ABI3BP: variants seen among roughly 807,000 people sequenced by gnomAD.
The protein encoded by ABI3BP is target of Nesh-SH3.
In ABI3BP, 216 loss-of-function variants were observed where a neutral mutation model predicts 268.6. The observed-to-expected ratio is 0.80, with a 90% CI of 0.72 to 0.90. The LOEUF is 0.90. ABI3BP is among the 40% of genes least tolerant of loss of function. The pLI is 0.00. For synonymous variants in ABI3BP, 730 were observed against 730.0 expected (o/e 1.00, Z 0.00); for missense variants, 2,090 against 2,182.4 (o/e 0.96, Z 0.84).
chr3:100,943,928 T>C (rs2070793495), intron 1 of ABI3BP, among the ~76,000 whole-genome samples: 1 of 152,174 alleles, frequency 6.6e-6, no homozygotes, highest in South Asian at 2.1e-4. Context: ...TATTTACTTA[T>C]AATGCTATTT....
chr3:100,787,617 T>C, intron 57 of ABI3BP, 111 bp downstream of exon 57: 1 of 951,370 alleles, frequency 1.1e-6, no homozygotes, highest in Non-Finnish European at 1.5e-6. Flanking sequence ...TACTAAGAAC[T>C]TTAAAAACTG....
intron 57 of ABI3BP, among the ~76,000 whole-genome samples, chr3:100,785,887 A>G (rs1194875556): frequency 3.3e-5 from 5 of 152,196 alleles, no homozygotes; most frequent in Admixed American, 6.5e-5. Context: ...TTTTGTGCAT[A>G]TAATTGGATA....
intron 14 of ABI3BP, among the ~76,000 whole-genome samples, chr3:100,852,924 G>A (rs1015151874): frequency 1.6e-4 from 24 of 152,158 alleles, no homozygotes; most frequent in African/African-American, 5.8e-4. Flanking sequence ...TGGTCACGAG[G>A]GATATAGAGA....
chr3:100,837,219 C>G (rs1299192038), intron 26 of ABI3BP, 48 bp from the exon 27 acceptor site: 2 of 1,480,058 alleles, frequency 1.4e-6, no homozygotes, highest in Non-Finnish European at 1.8e-6. Context: ...GCAAGGAAGT[C>G]TAAACTTTTG....
At chr3:100,869,928 G>T (rs1581260749) in intron 9 of ABI3BP, among the ~76,000 whole-genome samples, 1 of 151,998 alleles carries the variant, frequency 6.6e-6, no homozygotes, top group Non-Finnish European at 1.5e-5. Context: ...CAAACCCTTT[G>T]TATGTCCCTT....
chr3:100,820,989 G>T, intron 39 of ABI3BP, 65 bp downstream of exon 39: 1 of 1,317,136 alleles, frequency 7.6e-7, no homozygotes, highest in Non-Finnish European at 1.1e-6. Flanking sequence ...CTGCGGCTAT[G>T]ATGATGGAAT....
chr3:100,751,898 T>C (rs1285846441), intron 66 of ABI3BP, among the ~76,000 whole-genome samples: 2 of 152,214 alleles, frequency 1.3e-5, no homozygotes, highest in African/African-American at 4.8e-5. Context: ...CTCCATAAAT[T>C]TCCCCAGCAG....
chr3:100,788,778 C>T (rs1199447935), intron 56 of ABI3BP, among the ~76,000 whole-genome samples: 1 of 151,824 alleles, frequency 6.6e-6, no homozygotes, highest in African/African-American at 2.4e-5. Context: ...AACATTCATT[C>T]GTAGCAGGTT....
At chr3:100,979,680 T>C (rs2088231142) in intron 1 of ABI3BP, among the ~76,000 whole-genome samples, 1 of 152,170 alleles carries the variant, frequency 6.6e-6, no homozygotes, top group African/African-American at 2.4e-5. Context: ...ATGATGACTT[T>C]GGAAAACACC....
Position 100,843,580 on chromosome 3 carries a change from G to A in ABI3BP, c.1724-1541C>T, listed in dbSNP as rs149504550. On this transcript the variant is annotated intron_variant, in intron 20 of 67. Coordinates refer to ENST00000471714, the MANE Select transcript of ABI3BP (RefSeq NM_001375547.2). ...GAGAGAGAGAGAGGGAAGGGGAGAAGAAAGAGTGTCTGGGAGATGGAGAGA... is the reference window on the plus strand; with the variant it reads ...GAGAGAGAGAGAGGGAAGGGGAGAAAAAAGAGTGTCTGGGAGATGGAGAGA... 9.8e-5 allele frequency: 96 copies of A among 980,690 alleles called. No homozygotes were observed. The Middle Eastern group carries it at 2.6e-3, about 27-fold the overall frequency. The allele number at this position is 980,690 out of a possible 1,614,324, so 60.7% of individuals were successfully genotyped here.
At position 100,924,602 on chromosome 3, in the gene ABI3BP, C is replaced by T. The variant is rs148590170; in HGVS notation, c.259+1700G>A. On this transcript the variant is annotated intron_variant, in intron 2 of 67. Transcript: ENST00000471714. ...TGAAGGTTCATTTTAATACTCTTTC[C>T]TTGGTTGTCTGAAATTTCCTGTAAT... Among the ~76,000 whole-genome samples, 5 of 152,116 alleles carry T rather than the reference C, an allele frequency of 3.3e-5. No individual in the cohort carries two copies. The East Asian group carries it at 9.7e-4, about 29-fold the overall frequency.
intron 49 of ABI3BP, among the ~76,000 whole-genome samples, chr3:100,809,232 C>T (rs866399270): frequency 6.6e-6 from 1 of 151,998 alleles, no homozygotes. Flanking sequence ...GGTCTAAGGT[C>T]TCAGTTTCTT....
At chr3:100,849,520 G>A (rs186670305) in intron 17 of ABI3BP, among the ~76,000 whole-genome samples, 57 of 152,108 alleles carry the variant, frequency 3.7e-4, no homozygotes, top group African/African-American at 7.2e-4. Flanking sequence ...CACCACACCC[G>A]GCCCAGAACT....
chr3:100,786,747 A>T (rs2097059101), intron 57 of ABI3BP, among the ~76,000 whole-genome samples: 1 of 152,166 alleles, frequency 6.6e-6, no homozygotes, highest in Non-Finnish European at 1.5e-5. Flanking sequence ...AGTTGGGCAG[A>T]ATAAAAAGAG....
intron 15 of ABI3BP, among the ~76,000 whole-genome samples, chr3:100,850,956 G>GT (rs2098830901): frequency 6.6e-6 from 1 of 152,258 alleles, no homozygotes; most frequent in African/African-American, 2.4e-5. Context: ...ATTAAACAGT[G>GT]TTTTATACAT....
rs201740588 is a variant in ABI3BP, at chr3:100,950,279, G to GT, written c.80-23799dup. Among the ~76,000 whole-genome samples, 1,385 of 152,252 alleles carry GT rather than the reference G, an allele frequency of 9.1e-3. 19 individuals carry two copies. Among genetic ancestry groups the GT allele is most frequent in the African/African-American group, 0.031 (1,284 of 41,550 alleles). ...AATGAATGAACAAACACATACAATAGTTTTTTAAAATGGAAAATATTATGC... is the reference window on the plus strand; with the variant it reads ...AATGAATGAACAAACACATACAATAGTTTTTTTAAAATGGAAAATATTATGC... On this transcript the variant is annotated intron_variant, in intron 1 of 67. Transcript: ENST00000471714.
intron 1 of ABI3BP, among the ~76,000 whole-genome samples, chr3:100,938,762 G>T (rs893234796): frequency 2.6e-5 from 4 of 152,150 alleles, no homozygotes; most frequent in African/African-American, 9.6e-5. Flanking sequence ...TTTCACCAGT[G>T]CTGAAACAGC....
Position 100,963,682 on chromosome 3 carries a change from C to T in ABI3BP, c.79+29624G>A, listed in dbSNP as rs75493880. Among the ~76,000 whole-genome samples, 1,074 of 152,328 alleles carry T rather than the reference C, an allele frequency of 7.1e-3. 7 individuals are homozygous for T. Among genetic ancestry groups the T allele is most frequent in the South Asian group, 0.015 (71 of 4,824 alleles). ...TTTCTCTTTCTCTCCAGGTTCATCT[C>T]TAAGCCCTCTCTGCCTAGTTGCTGT... On this transcript the variant is annotated intron_variant, in intron 1 of 67. Transcript: ENST00000471714.
intron 2 of ABI3BP, among the ~76,000 whole-genome samples, chr3:100,909,555 A>C (rs534974244): frequency 6.6e-6 from 1 of 152,328 alleles, no homozygotes; most frequent in African/African-American, 2.4e-5. Context: ...CAAAGAACTT[A>C]AACAAATTTA....
Sources: allele counts gnomAD v4.1 joint callset (sites outside exome capture counted in the v4.1 genomes callset), GRCh38; gene constraint gnomAD v4.1.1; transcripts MANE v1.5; gene names NCBI Gene and HGNC (gene_info 2026-07-23, HGNC 2026-07-21).